Variants in CLVS1 observed in about 807,000 individuals in gnomAD.
CLVS1 encodes clavesin 1.
CLVS1 carries 10 observed loss-of-function variants against 33.1 expected under a neutral mutation model. The ratio of observed to expected loss-of-function variants is 0.30; its 90% CI spans 0.19 to 0.51. CLVS1 has a LOEUF of 0.51. CLVS1 is among the 20% of genes least tolerant of loss of function. The probability of loss-of-function intolerance (pLI) is 0.97; values close to 1 mark genes in which losing one functional copy is unlikely to be tolerated. For missense variants in CLVS1, 343 were observed against 433.4 expected (o/e 0.79, Z 1.85); for synonymous variants, 163 against 166.1 (o/e 0.98, Z 0.14).
chr8:61,156,498 C>T (rs576866625), intron 2 of CLVS1, among the ~76,000 whole-genome samples: 7 of 152,106 alleles, frequency 4.6e-5, no homozygotes, highest in African/African-American at 1.7e-4. Flanking sequence ...AGGAAAAGTC[C>T]GAACTTTCCT....
chr8:61,195,459 A>T (rs544045261), intron 2 of CLVS1, among the ~76,000 whole-genome samples: 1 of 152,052 alleles, frequency 6.6e-6, no homozygotes, highest in Non-Finnish European at 1.5e-5. Flanking sequence ...CTTATCATGT[A>T]AAACAAACAG....
rs72654639 is a variant in CLVS1, at chr8:61,122,093, A to G, written c.-242-9677A>G. On this transcript the variant is annotated intron_variant, in intron 1 of 2. Transcript: ENST00000522621. Reference sequence around the variant, plus strand: ...CTATAAAACCCCCAGAAGGATCTAAAGCCACTTTCTTCAGCAATATCTGGA... The same window carrying G: ...CTATAAAACCCCCAGAAGGATCTAAGGCCACTTTCTTCAGCAATATCTGGA... 5.6e-3 allele frequency among the ~76,000 whole-genome samples: 847 copies of G among 152,362 alleles called. 8 individuals carry two copies. The highest frequency in any genetic ancestry group is 8.7e-3 in the Non-Finnish European group (595 of 68,032).
At chr8:61,181,713 T>C (rs886205701) in intron 2 of CLVS1, among the ~76,000 whole-genome samples, 1 of 146,838 alleles carries the variant, frequency 6.8e-6, no homozygotes, top group Non-Finnish European at 1.5e-5. Flanking sequence ...TTTTTTTTTT[T>C]TTTTGAGATG....
At chr8:61,133,255 G>A (rs957669586) in intron 2 of CLVS1, among the ~76,000 whole-genome samples, 2 of 152,136 alleles carry the variant, frequency 1.3e-5, no homozygotes, top group Admixed American at 1.3e-4. Context: ...AGATAGGAAG[G>A]GGGCACAGAC....
chr8:61,400,840 G>C (rs1814720122), intron 3 of CLVS1, among the ~76,000 whole-genome samples: 1 of 152,094 alleles, frequency 6.6e-6, no homozygotes, highest in African/African-American at 2.4e-5. Flanking sequence ...CACATTTATT[G>C]ATTTGCATAT....
intron 5 of CLVS1, among the ~76,000 whole-genome samples, chr8:61,464,134 TG>T: frequency 6.7e-6 from 1 of 150,094 alleles, no homozygotes; most frequent in Non-Finnish European, 1.5e-5. Context: ...ATAACCAAAA[TG>T]TAATACAGAG....
intron 2 of CLVS1, among the ~76,000 whole-genome samples, chr8:61,281,381 A>G (rs762144594): frequency 1.3e-5 from 2 of 152,194 alleles, no homozygotes; most frequent in Non-Finnish European, 2.9e-5. Context: ...AAATGAGGTC[A>G]TAAGGGTGGG....
intron 2 of CLVS1, among the ~76,000 whole-genome samples, chr8:61,133,321 C>G (rs1307548830): frequency 1.3e-5 from 2 of 152,082 alleles, no homozygotes. Context: ...GGGAAATCTC[C>G]CCAGGAGATA....
intron 2 of CLVS1, among the ~76,000 whole-genome samples, chr8:61,334,670 T>C (rs570827517): frequency 6.6e-6 from 1 of 152,100 alleles, no homozygotes; most frequent in East Asian, 1.9e-4. Flanking sequence ...ATATATAGGT[T>C]GCCATGGTGA....
At chr8:61,181,611 G>A (rs13257640) in intron 2 of CLVS1, among the ~76,000 whole-genome samples, 73,896 of 151,510 alleles carry the variant, frequency 0.49, 19,784 homozygotes, top group Middle Eastern at 0.7. Context: ...CCAAAACAGC[G>A]TGGTACTGGT....
Position 61,376,682 on chromosome 8 carries a change from A to G in CLVS1, c.533A>G (p.Asn178Ser). 1.2e-6 allele frequency: 2 copies of G among 1,614,134 alleles called. No individual in the cohort carries two copies. Among genetic ancestry groups the G allele is most frequent in the Non-Finnish European group, 1.7e-6 (2 of 1,179,994 alleles). ...ATCGAAGATCCGGAGCTTCAGATAA[A>G]TGGCTTCATTTTAATTATAGACTGG... ...VLIEDPELQINGFILIIDWSN... is the reference protein window; with the variant it reads ...VLIEDPELQISGFILIIDWSN... The change falls in exon 3 of 6, where the codon AAT (asparagine) becomes AGT (serine). Residue 178 changes from asparagine (N) to serine (S), a missense_variant. Asn to Ser is a conservative substitution (Grantham distance 46). This residue lies in a region of CLVS1 where 166 missense variants were observed against 244.0 expected (regional missense o/e 0.68). Transcript: ENST00000325897.
intron 2 of CLVS1, among the ~76,000 whole-genome samples, chr8:61,311,764 T>G (rs1056004420): frequency 6.6e-6 from 1 of 152,182 alleles, no homozygotes; most frequent in Non-Finnish European, 1.5e-5. Flanking sequence ...AAAAGTCTCC[T>G]CTGATGGCTA....
chr8:61,072,846 A>T (rs1014780160), intron 1 of CLVS1, among the ~76,000 whole-genome samples: 3 of 152,260 alleles, frequency 2.0e-5, no homozygotes, highest in Non-Finnish European at 4.4e-5. Context: ...CCTTTAGGTT[A>T]AATATCTCAA....
At chr8:61,480,658 C>CCA (rs998911315) in intron 5 of CLVS1, among the ~76,000 whole-genome samples, 2 of 152,078 alleles carry the variant, frequency 1.3e-5, no homozygotes, top group African/African-American at 4.8e-5. Flanking sequence ...CAGAAATCAC[C>CCA]CATCTTCTGC....
chr8:61,049,084 T>A, the CLVS1 span, among the ~76,000 whole-genome samples: 1 of 152,248 alleles, frequency 6.6e-6, no homozygotes, highest in East Asian at 1.9e-4. Context: ...ATATTTTATT[T>A]AAGCATAATG....
intron 2 of CLVS1, among the ~76,000 whole-genome samples, chr8:61,196,011 A>G (rs1202775316): frequency 6.6e-6 from 1 of 152,180 alleles, no homozygotes; most frequent in Non-Finnish European, 1.5e-5. Flanking sequence ...TTTTTCTACT[A>G]GATGAGTAGA....
At chr8:61,478,248 A>C (rs1335580051) in intron 5 of CLVS1, among the ~76,000 whole-genome samples, 1 of 152,168 alleles carries the variant, frequency 6.6e-6, no homozygotes, top group African/African-American at 2.4e-5. Context: ...TATGTGGTCA[A>C]TTTTGGAATA....
chr8:61,054,598 C>T (rs1427574335), upstream of CLVS1, among the ~76,000 whole-genome samples: 2 of 152,038 alleles, frequency 1.3e-5, no homozygotes, highest in African/African-American at 4.8e-5. Flanking sequence ...CTTAAAGATA[C>T]TTGGTGCACA....
At chr8:60,982,663 CT>C in the CLVS1 span, among the ~76,000 whole-genome samples, 1 of 152,110 alleles carries the variant, frequency 6.6e-6, no homozygotes, top group Non-Finnish European at 1.5e-5. Flanking sequence ...AACTGGAATC[CT>C]TGACTAAATA....
Sources: gnomAD v4.1 joint callset for allele counts (sites outside exome capture counted in the v4.1 genomes callset) on GRCh38, gnomAD v4.1.1 for gene constraint, gnomAD v4.1.1 regional missense constraint, MANE v1.5 for transcripts, NCBI Gene and HGNC (gene_info 2026-07-23, HGNC 2026-07-21) for gene names.